NRXN3: variants seen among roughly 807,000 people sequenced by gnomAD.
NRXN3 encodes the protein neurexin III.
Under a neutral mutation model 137.6 loss-of-function variants are expected in NRXN3, and 32 were observed. The observed-to-expected ratio is 0.23, with a 90% CI of 0.18 to 0.31. The LOEUF (loss-of-function observed/expected upper bound fraction) is 0.31, where lower values mean the gene tolerates loss of function less well. Among genes scored for constraint, NRXN3 ranks in the 10% least tolerant of loss-of-function variants. The pLI is 1.00. For synonymous variants in NRXN3, 798 were observed against 784.5 expected, an observed-to-expected ratio of 1.02 and a Z score of -0.29; for missense variants, 1,574 against 2,062.5, an observed-to-expected ratio of 0.76 and a Z score of 4.59.
At chr14:79,847,579 C>A (rs1041947203) in intron 20 of NRXN3, among the ~76,000 whole-genome samples, 1 of 152,174 alleles carries the variant, frequency 6.6e-6, no homozygotes, top group Non-Finnish European at 1.5e-5. Context: ...ATGAGCATTA[C>A]ATGTAAAATT....
At chr14:79,726,418 A>G (rs993710190) in intron 19 of NRXN3, among the ~76,000 whole-genome samples, 5 of 152,154 alleles carry the variant, frequency 3.3e-5, no homozygotes, top group African/African-American at 1.2e-4. Context: ...TTTGGCTAGC[A>G]GAATTTTTTT....
At chr14:79,205,402 A>G (rs1188717294) in intron 15 of NRXN3, among the ~76,000 whole-genome samples, 1 of 152,204 alleles carries the variant, frequency 6.6e-6, no homozygotes, top group Non-Finnish European at 1.5e-5. Context: ...CTAGAGGTCT[A>G]CAAGAGTGCA....
intron 6 of NRXN3, among the ~76,000 whole-genome samples, chr14:78,665,353 A>G (rs1036431702): frequency 6.6e-6 from 1 of 152,144 alleles, no homozygotes; most frequent in Non-Finnish European, 1.5e-5. Context: ...CCTTCTTAAC[A>G]TGGCAGCAGC....
intron 10 of NRXN3, among the ~76,000 whole-genome samples, chr14:78,910,979 T>G (rs1490574368): frequency 6.6e-6 from 1 of 152,200 alleles, no homozygotes; most frequent in African/African-American, 2.4e-5. Context: ...TTATCCTCAA[T>G]AAATTTGACT....
chr14:78,818,667 C>T (rs2098941787), intron 10 of NRXN3, among the ~76,000 whole-genome samples: 1 of 152,142 alleles, frequency 6.6e-6, no homozygotes, highest in Admixed American at 6.5e-5. Flanking sequence ...TGCATGTTGT[C>T]ATTCTTCCTT....
chr14:79,372,176 A>T (rs1454997653), intron 15 of NRXN3, among the ~76,000 whole-genome samples: 1 of 152,112 alleles, frequency 6.6e-6, no homozygotes, highest in East Asian at 1.9e-4. Context: ...ATAATTGTAA[A>T]GGTGAAGAAA....
At chr14:78,594,901 A>G (rs1194573986) in intron 4 of NRXN3, among the ~76,000 whole-genome samples, 1 of 152,222 alleles carries the variant, frequency 6.6e-6, no homozygotes, top group Admixed American at 6.5e-5. Context: ...TCAGTACCAC[A>G]GGAGTAACTC....
chr14:78,586,184 C>T (rs533491188), intron 4 of NRXN3, among the ~76,000 whole-genome samples: 4 of 152,296 alleles, frequency 2.6e-5, no homozygotes, highest in African/African-American at 9.6e-5. Context: ...GACAAAGACT[C>T]ATGGCCTGCC....
At chr14:79,399,096 A>C (rs538594482) in intron 15 of NRXN3, among the ~76,000 whole-genome samples, 29 of 151,878 alleles carry the variant, frequency 1.9e-4, no homozygotes, top group African/African-American at 6.8e-4. Context: ...CAGGTTCCAT[A>C]GGGCACGCCC....
At chr14:78,471,334 C>A (rs7157669) in intron 4 of NRXN3, among the ~76,000 whole-genome samples, 960 of 10,330 alleles carry the variant, frequency 0.093, 7 homozygotes, top group South Asian at 0.13. Flanking sequence ...ACACACACAC[C>A]CCCAAGAAAT....
intron 15 of NRXN3, among the ~76,000 whole-genome samples, chr14:79,133,645 G>A (rs1486212032): frequency 1.3e-5 from 2 of 152,188 alleles, no homozygotes; most frequent in Admixed American, 1.3e-4. Context: ...AACAAATACA[G>A]CCCAGCACGG....
intron 10 of NRXN3, among the ~76,000 whole-genome samples, chr14:78,826,413 A>G (rs2098966754): frequency 6.6e-6 from 1 of 152,156 alleles, no homozygotes; most frequent in African/African-American, 2.4e-5. Context: ...CATTCAAGCC[A>G]AGGCTCCAAG....
chr14:78,415,676 G>T (rs1053031358), intron 4 of NRXN3, among the ~76,000 whole-genome samples: 1 of 152,124 alleles, frequency 6.6e-6, no homozygotes, highest in Non-Finnish European at 1.5e-5. Flanking sequence ...CCTTGAAATT[G>T]CTATGTCGAA....
At chr14:79,713,894 G>A (rs747233285) in intron 19 of NRXN3, among the ~76,000 whole-genome samples, 1 of 151,850 alleles carries the variant, frequency 6.6e-6, no homozygotes, top group Non-Finnish European at 1.5e-5. Flanking sequence ...TTTTTGAGAG[G>A]AGCAAGGATT....
chr14:78,346,566 A>C (rs214022), intron 4 of NRXN3, among the ~76,000 whole-genome samples: 115,943 of 152,036 alleles, frequency 0.76, 47,294 homozygotes, highest in Non-Finnish European at 0.9. Context: ...TAAATGGCTT[A>C]CATTCACACA....
intron 11 of NRXN3, among the ~76,000 whole-genome samples, chr14:78,963,736 A>G (rs1336110231): frequency 6.6e-6 from 1 of 152,188 alleles, no homozygotes; most frequent in Non-Finnish European, 1.5e-5. Flanking sequence ...AACACTGCAT[A>G]GAAGCTCATA....
At chr14:79,468,985 A>G (rs1413649085) in intron 16 of NRXN3, among the ~76,000 whole-genome samples, 1 of 152,224 alleles carries the variant, frequency 6.6e-6, no homozygotes, top group Non-Finnish European at 1.5e-5. Context: ...CATACTTACT[A>G]CACTTTATCT....
At chr14:78,818,262 C>T (rs2046686677) in intron 10 of NRXN3, among the ~76,000 whole-genome samples, 1 of 152,032 alleles carries the variant, frequency 6.6e-6, no homozygotes. Flanking sequence ...ACATTGATAT[C>T]TGCCACTGTA....
intron 4 of NRXN3, among the ~76,000 whole-genome samples, chr14:78,398,380 G>A (rs75931302): frequency 0.034 from 5,181 of 152,016 alleles, 218 homozygotes; most frequent in South Asian, 0.11. Context: ...GAGACTCTGG[G>A]TCTTATTTAA....
Sources: gnomAD v4.1 joint callset for allele counts (sites outside exome capture counted in the v4.1 genomes callset) on GRCh38, gnomAD v4.1.1 for gene constraint, MANE v1.5 for transcripts, NCBI Gene and HGNC (gene_info 2026-07-23, HGNC 2026-07-21) for gene names.